ZNF385B: variants seen among roughly 807,000 people sequenced by gnomAD.
The protein encoded by ZNF385B is zinc finger protein 385B.
A neutral mutation model predicts 39.2 loss-of-function variants in ZNF385B; 23 were observed. The ratio of observed to expected loss-of-function variants is 0.59; its 90% CI spans 0.42 to 0.83. The LOEUF (loss-of-function observed/expected upper bound fraction) is 0.83. ZNF385B is among the 40% of genes least tolerant of loss of function. The probability of loss-of-function intolerance (pLI) is 0.00; values close to 1 mark genes in which losing one functional copy is unlikely to be tolerated. For synonymous variants in ZNF385B, 205 were observed against 222.6 expected (o/e 0.92, Z 0.70); for missense variants, 552 against 598.9 (o/e 0.92, Z 0.82).
At chr2:179,636,053 C>T (rs1588848) in intron 3 of ZNF385B, among the ~76,000 whole-genome samples, 99,655 of 152,030 alleles carry the variant, frequency 0.66, 32,842 homozygotes, top group Admixed American at 0.73. Flanking sequence ...TATACACCAG[C>T]ATGTTATCTA....
intron 1 of ZNF385B, among the ~76,000 whole-genome samples, chr2:179,772,479 A>G (rs978868884): frequency 6.6e-6 from 1 of 152,170 alleles, no homozygotes; most frequent in Admixed American, 6.5e-5. Flanking sequence ...CAGGGGAAAA[A>G]TAAGATCAGC....
At chr2:179,665,219 C>T (rs1694990695) in intron 3 of ZNF385B, among the ~76,000 whole-genome samples, 1 of 152,140 alleles carries the variant, frequency 6.6e-6, no homozygotes, top group Non-Finnish European at 1.5e-5. Context: ...AAATAAACAA[C>T]ATAAAGGAAA....
rs74396841 is a variant in ZNF385B at position 179,815,749 on chromosome 2, T to G, written c.-154-45077A>C. Among the ~76,000 whole-genome samples the G allele has an allele frequency of 4.7e-4, 72 of 152,316 alleles. No individual in the cohort carries two copies. The East Asian group carries it at 0.013, about 28-fold the overall frequency. ...TCACAGTCCTCATGTTATTTGACAT[T>G]TGTTATGTGTTACAGTACACATTTA... On this transcript the variant is annotated intron_variant, in intron 1 of 9. Transcript: ENST00000410066.
At chr2:179,685,175 T>C (rs1697827025) in intron 3 of ZNF385B, among the ~76,000 whole-genome samples, 2 of 152,248 alleles carry the variant, frequency 1.3e-5, no homozygotes, top group African/African-American at 4.8e-5. Context: ...GAAAAGTGGC[T>C]GAATTAAATT....
chr2:179,450,392 C>A (rs1003270309), intron 6 of ZNF385B, among the ~76,000 whole-genome samples: 3 of 151,876 alleles, frequency 2.0e-5, no homozygotes, highest in Admixed American at 6.6e-5. Flanking sequence ...CAACGAACTC[C>A]AACAAATTTA....
At chr2:179,776,744 A>G (rs1704345096) in intron 1 of ZNF385B, among the ~76,000 whole-genome samples, 1 of 152,160 alleles carries the variant, frequency 6.6e-6, no homozygotes, top group Non-Finnish European at 1.5e-5. Context: ...TTGAACAACA[A>G]CTGGCTTGGG....
intron 6 of ZNF385B, among the ~76,000 whole-genome samples, chr2:179,463,317 G>GA (rs1221374385): frequency 2.0e-5 from 3 of 150,114 alleles, no homozygotes; most frequent in African/African-American, 7.4e-5. Context: ...CATCTCTGAG[G>GA]AAAAGGTGTA....
chr2:179,837,960 T>C (rs1028357038), intron 1 of ZNF385B, among the ~76,000 whole-genome samples: 2 of 152,228 alleles, frequency 1.3e-5, no homozygotes, highest in African/African-American at 4.8e-5. Context: ...TGAAATTTTA[T>C]CTTTTAACTT....
At chr2:179,650,832 G>C (rs1693131465) in intron 3 of ZNF385B, among the ~76,000 whole-genome samples, 1 of 152,138 alleles carries the variant, frequency 6.6e-6, no homozygotes, top group African/African-American at 2.4e-5. Flanking sequence ...CACAAGACTT[G>C]GCTGACTGAT....
At chr2:179,682,541 C>CTCTG (rs1469713765) in intron 3 of ZNF385B, among the ~76,000 whole-genome samples, 2 of 152,198 alleles carry the variant, frequency 1.3e-5, no homozygotes, top group African/African-American at 4.8e-5. Flanking sequence ...TGTGGTTTAA[C>CTCTG]TCTGTCTCTG....
chr2:179,605,832 C>T (rs535285819), intron 3 of ZNF385B, among the ~76,000 whole-genome samples: 1 of 152,048 alleles, frequency 6.6e-6, no homozygotes, highest in Non-Finnish European at 1.5e-5. Flanking sequence ...GGCTGGAAAC[C>T]TCTAGGGTCC....
intron 1 of ZNF385B, among the ~76,000 whole-genome samples, chr2:179,775,291 C>A (rs937938537): frequency 2.0e-5 from 3 of 151,888 alleles, no homozygotes; most frequent in African/African-American, 7.3e-5. Context: ...TATACTTGGC[C>A]CTATGGTAAA....
intron 3 of ZNF385B, among the ~76,000 whole-genome samples, chr2:179,603,053 T>A (rs1688531993): frequency 6.6e-6 from 1 of 152,234 alleles, no homozygotes; most frequent in Admixed American, 6.5e-5. Flanking sequence ...TTTAATTTTC[T>A]TCCTCATCGA....
intron 3 of ZNF385B, among the ~76,000 whole-genome samples, chr2:179,589,728 A>G (rs1166489918): frequency 1.3e-5 from 2 of 152,208 alleles, no homozygotes; most frequent in African/African-American, 4.8e-5. Context: ...AAAAGGAAAA[A>G]TGTCAATGAG....
At chr2:179,568,119 C>A (rs1684801204) in intron 3 of ZNF385B, among the ~76,000 whole-genome samples, 1 of 152,178 alleles carries the variant, frequency 6.6e-6, no homozygotes, top group Admixed American at 6.5e-5. Context: ...TGCCTCTCTT[C>A]CCCCAAGATC....
chr2:179,801,551 T>C lies in ZNF385B; in HGVS notation c.-154-30879A>G, dbSNP rs376114529. On this transcript the variant is annotated intron_variant, in intron 1 of 9. Coordinates refer to ENST00000410066, the MANE Select transcript of ZNF385B (RefSeq NM_152520.6). ...TTCAATTACATAACTTCTAGCATTT[T>C]ATTGTAGTCATGTCTATCTTCAACC... 6.6e-5 allele frequency among the ~76,000 whole-genome samples: 10 copies of C among 152,200 alleles called. No homozygotes were observed. The East Asian group carries it at 1.9e-3, about 29-fold the overall frequency.
At chr2:179,839,092 C>T (rs1319546772) in intron 1 of ZNF385B, among the ~76,000 whole-genome samples, 5 of 152,144 alleles carry the variant, frequency 3.3e-5, no homozygotes, top group Non-Finnish European at 5.9e-5. Flanking sequence ...GAGAATTCTT[C>T]TAAAGAAGAT....
chr2:179,698,964 C>T (rs1248949866), intron 3 of ZNF385B, among the ~76,000 whole-genome samples: 1 of 152,052 alleles, frequency 6.6e-6, no homozygotes, highest in Non-Finnish European at 1.5e-5. Flanking sequence ...AATAATTTCA[C>T]TATTGAAGTT....
intron 5 of ZNF385B, among the ~76,000 whole-genome samples, chr2:179,516,056 A>G (rs1025258256): frequency 6.6e-6 from 1 of 152,128 alleles, no homozygotes; most frequent in Non-Finnish European, 1.5e-5. Context: ...CTCACTTAGC[A>G]TACTGTCTTT....
Sources: gnomAD v4.1 joint callset for allele counts (sites outside exome capture counted in the v4.1 genomes callset) on GRCh38, gnomAD v4.1.1 for gene constraint, MANE v1.5 for transcripts, NCBI Gene and HGNC (gene_info 2026-07-23, HGNC 2026-07-21) for gene names.